The following RWDD3 variants were observed in gnomAD, a reference collection of about 807,000 sequenced individuals.
The protein encoded by RWDD3 is RWD domain containing 3.
Under a neutral mutation model 26.5 loss-of-function variants are expected in RWDD3, and 30 were observed. That is an observed-to-expected ratio of 1.13 (90% confidence interval 0.85 to 1.54). The LOEUF (loss-of-function observed/expected upper bound fraction) is 1.54, where lower values mean the gene tolerates loss of function less well. Ranked by LOEUF, RWDD3 falls within the 40% of genes most tolerant of loss-of-function variation. RWDD3 has a pLI of 0.00. For synonymous variants in RWDD3, 113 were observed against 114.5 expected (o/e 0.99, Z 0.09); for missense variants, 296 against 309.1 (o/e 0.96, Z 0.32).
In RWDD3 at chr1:95,247,036, A is replaced by G. The variant is rs1028040000; in HGVS notation, c.*166A>G. On this transcript the variant is annotated 3_prime_UTR_variant, in exon 4 of 4. Coordinates refer to ENST00000370202, the MANE Select transcript of RWDD3 (RefSeq NM_015485.5). ...AAAAGCCAGTTCTGTTTTATGAAAT[A>G]TTAAACATGAAGAAAACTTGTATAT... is the stretch of plus-strand genomic sequence containing the variant. The G allele has an allele frequency of 2.4e-5, 10 of 423,288 alleles. No individual in the cohort carries two copies. The highest frequency in any genetic ancestry group is 2.1e-4 in the African/African-American group (10 of 48,556). 26.2% of individuals were successfully genotyped at this position (423,288 alleles called of 1,614,324 possible). A position where few individuals can be genotyped will look rare whatever the true frequency, so the allele number is the denominator to read the frequency against.
chr1:95,234,628 A>G (rs1571834477), intron 1 of RWDD3, among the ~76,000 whole-genome samples: 2 of 126,836 alleles, frequency 1.6e-5, no homozygotes, highest in South Asian at 2.4e-4. Flanking sequence ...CTCAGATCTC[A>G]CCCTATAAAG....
intron 1 of RWDD3, among the ~76,000 whole-genome samples, chr1:95,235,093 C>A (rs1302736767): frequency 7.9e-5 from 12 of 151,590 alleles, no homozygotes; most frequent in Non-Finnish European, 1.5e-5. Context: ...GTCGCCTAGG[C>A]TGGAGTGCAG....
rs755719738 is a variant in RWDD3, at chr1:95,244,317, T to G, written c.192T>G (p.Cys64Trp). ...ATTTGCCAGTCAATTATCCTTCATG[T>G]CTACCTGGTATCTCGATTAACTCTG... ...VFHLPVNYPS[C>W]LPGISINSEQ... Residue 64 changes from cysteine (C) to tryptophan (W), a missense_variant, in exon 2 of 4, where the codon TGT becomes TGG. Physicochemically the swap from Cys to Trp is radical, Grantham distance 215. Coordinates refer to ENST00000370202, the MANE Select transcript of RWDD3 (RefSeq NM_015485.5). The G allele has an allele frequency of 6.2e-7, 1 of 1,614,232 alleles. No individual in the cohort carries two copies. The highest frequency in any genetic ancestry group is 1.7e-5 in the Admixed American group (1 of 60,014).
chr1:95,242,742 A>C (rs1680684337), intron 1 of RWDD3, among the ~76,000 whole-genome samples: 1 of 152,132 alleles, frequency 6.6e-6, no homozygotes, highest in Non-Finnish European at 1.5e-5. Flanking sequence ...AACATGGAGA[A>C]ACCCTGTCTC....
In RWDD3 at chr1:95,234,221, G is replaced by A. The variant is rs1258762016; in HGVS notation, c.-10G>A. The A allele has an allele frequency of 6.3e-7, 1 of 1,578,996 alleles. No homozygotes were observed. The highest frequency in any genetic ancestry group is 8.6e-7 in the Non-Finnish European group (1 of 1,163,242). On this transcript the variant is annotated 5_prime_UTR_variant, in exon 1 of 4. Coordinates refer to ENST00000370202, the MANE Select transcript of RWDD3 (RefSeq NM_015485.5). ...GAAGGGGAAGCGCTGAGGCGGTGGGGCCCACAGCCATGGCGGAGCCTGTGC... is the reference window on the plus strand; with the variant it reads ...GAAGGGGAAGCGCTGAGGCGGTGGGACCCACAGCCATGGCGGAGCCTGTGC...
chr1:95,239,029 G>C (rs1200361199), intron 1 of RWDD3, among the ~76,000 whole-genome samples: 2 of 152,188 alleles, frequency 1.3e-5, no homozygotes, highest in African/African-American at 4.8e-5. Flanking sequence ...GTATCAACTT[G>C]AACAAGAGGG....
At chr1:95,236,066 C>T (rs577368673) in intron 1 of RWDD3, among the ~76,000 whole-genome samples, 2 of 152,286 alleles carry the variant, frequency 1.3e-5, no homozygotes, top group East Asian at 1.9e-4. Flanking sequence ...TGGCTCATGC[C>T]TGTAATCCCA....
intron 1 of RWDD3, among the ~76,000 whole-genome samples, chr1:95,242,763 A>G (rs1389632736): frequency 6.6e-6 from 1 of 152,162 alleles, no homozygotes; most frequent in Non-Finnish European, 1.5e-5. Context: ...TACTAAAAAT[A>G]CAAAAATTAG....
At chr1:95,240,886 C>T (rs1415330389) in intron 1 of RWDD3, among the ~76,000 whole-genome samples, 1 of 151,674 alleles carries the variant, frequency 6.6e-6, no homozygotes, top group Non-Finnish European at 1.5e-5. Flanking sequence ...GATTTTATGC[C>T]TAGGCTAGGT....
At chr1:95,243,970 C>G (rs1166505469) in intron 1 of RWDD3, among the ~76,000 whole-genome samples, 1 of 152,090 alleles carries the variant, frequency 6.6e-6, no homozygotes, top group Non-Finnish European at 1.5e-5. Context: ...GGGGTGATAG[C>G]AAGTGTAAAT....
rs2296308 is a variant in RWDD3 at position 95,244,383 on chromosome 1, T to G, written c.258T>G (p.Asn86Lys). 0.86 allele frequency: 1,393,578 copies of G among 1,613,960 alleles called. 603,401 individuals are homozygous for G. The highest frequency in any genetic ancestry group is 0.94 in the South Asian group (85,980 of 91,080). The change falls in exon 2 of 4, where the codon AAT (asparagine) becomes AAG (lysine). Residue 86 changes from asparagine (N) to lysine (K), a missense_variant. Coordinates refer to ENST00000370202, the MANE Select transcript of RWDD3 (RefSeq NM_015485.5). ...CCCAGTGTGTGACTGTGAAAGAGAATTTACTTGAGCAAGCAGAGAGCCTTT... is the reference window on the plus strand; with the variant it reads ...CCCAGTGTGTGACTGTGAAAGAGAAGTTACTTGAGCAAGCAGAGAGCCTTT... ...TRAQCVTVKE[N>K]LLEQAESLLS... is the part of the protein sequence containing the mutation.
chr1:95,242,600 A>G (rs999080583), intron 1 of RWDD3, among the ~76,000 whole-genome samples: 1 of 152,204 alleles, frequency 6.6e-6, no homozygotes, highest in Non-Finnish European at 1.5e-5. Context: ...GCCTACTTTA[A>G]CAATAAAGTA....
chr1:95,245,302 T>C (rs1680809068), intron 2 of RWDD3, among the ~76,000 whole-genome samples: 1 of 152,216 alleles, frequency 6.6e-6, no homozygotes, highest in Admixed American at 6.5e-5. Context: ...ATCATCTTCT[T>C]CAGATTTTTC....
intron 1 of RWDD3, chr1:95,243,212 G>A (rs867230240): frequency 2.6e-5 from 4 of 152,098 alleles, no homozygotes; most frequent in Non-Finnish European, 4.4e-5. Context: ...TTATATATGT[G>A]GAATCAGAAG....
chr1:95,242,159 C>A (rs1178295849), intron 1 of RWDD3, among the ~76,000 whole-genome samples: 1 of 152,182 alleles, frequency 6.6e-6, no homozygotes, highest in Non-Finnish European at 1.5e-5. Flanking sequence ...CACACCAGAT[C>A]CCTGGAGAAT....
intron 1 of RWDD3, among the ~76,000 whole-genome samples, chr1:95,241,657 G>A (rs1384119489): frequency 1.3e-5 from 2 of 152,158 alleles, no homozygotes; most frequent in African/African-American, 4.8e-5. Context: ...GTGGGCATCC[G>A]ACCCGCAGAC....
rs1237511047 is a variant in RWDD3, at chr1:95,245,191, T to A, written c.573+493T>A. 2.0e-5 allele frequency among the ~76,000 whole-genome samples: 3 copies of A among 152,184 alleles called. No homozygotes were observed. In the East Asian group the frequency reaches 5.8e-4, roughly 29 times the overall value. The stretch of plus-strand genomic sequence containing the variant: ...GGAGCTTGTCTGTTATAACCGAGAT[T>A]TCATGTTAGTAGAAGTAGAATCATT... On this transcript the variant is annotated intron_variant, in intron 2 of 3. Coordinates refer to ENST00000370202, the MANE Select transcript of RWDD3 (RefSeq NM_015485.5).
intron 2 of RWDD3, chr1:95,246,022 G>A (rs540924455): frequency 2.6e-5 from 4 of 152,264 alleles, no homozygotes; most frequent in Admixed American, 2.6e-4. Flanking sequence ...GATTGAGGAT[G>A]TATAGGTACA....
At chr1:95,246,362 A>G (rs1444731293) in intron 2 of RWDD3, 180 bp from the exon 3 acceptor site, 10 of 513,234 alleles carry the variant, frequency 1.9e-5, no homozygotes, top group Non-Finnish European at 3.5e-5. Context: ...TTACTCCTGT[A>G]TCCACCACTA....
Sources: gnomAD v4.1 joint callset for allele counts (sites outside exome capture counted in the v4.1 genomes callset) on GRCh38, gnomAD v4.1.1 for gene constraint, MANE v1.5 for transcripts, NCBI Gene and HGNC (gene_info 2026-07-23, HGNC 2026-07-21) for gene names.